MIER1: variants seen among roughly 807,000 people sequenced by gnomAD.
MIER1 encodes MIER1 transcriptional regulator, also known as mesoderm induction early response protein 1.
Under a neutral mutation model 75.7 loss-of-function variants are expected in MIER1, and 40 were observed. The observed-to-expected ratio is 0.53, with a 90% confidence interval of 0.41 to 0.69. The LOEUF (loss-of-function observed/expected upper bound fraction) is 0.69. MIER1 is among the 30% of genes least tolerant of loss of function. The probability of loss-of-function intolerance (pLI) is 0.00; values close to 1 mark genes in which losing one functional copy is unlikely to be tolerated. For synonymous variants in MIER1, 213 were observed against 223.4 expected (o/e 0.95, Z 0.42); for missense variants, 574 against 680.2 (o/e 0.84, Z 1.74).
chr1:66,977,112 T>C (rs1408178789), intron 12 of MIER1, among the ~76,000 whole-genome samples: 5 of 151,834 alleles, frequency 3.3e-5, no homozygotes, highest in Non-Finnish European at 1.5e-5. Context: ...GTTTTAATCT[T>C]CTTTTTTTTT....
intron 12 of MIER1, among the ~76,000 whole-genome samples, chr1:66,980,882 T>C (rs1665739510): frequency 6.6e-6 from 1 of 151,950 alleles, no homozygotes; most frequent in Non-Finnish European, 1.5e-5. Flanking sequence ...ATCACACTAC[T>C]CAGTTGTGCA....
chr1:66,976,008 G>A (rs1664646034), intron 11 of MIER1, among the ~76,000 whole-genome samples: 1 of 151,948 alleles, frequency 6.6e-6, no homozygotes, highest in Non-Finnish European at 1.5e-5. Context: ...GTGTGTGTGA[G>A]ACTGAGTCTC....
At chr1:66,983,928 A>G (rs753337814) in intron 13 of MIER1, among the ~76,000 whole-genome samples, 6 of 152,000 alleles carry the variant, frequency 3.9e-5, no homozygotes, top group East Asian at 1.9e-4. Flanking sequence ...TTTTCACCCT[A>G]TTGGCCAGGC....
At position 66,986,300 on chromosome 1, in the gene MIER1, T is replaced by C; in HGVS notation, c.*1400T>C. 1 of 1,484,080 alleles carries C rather than the reference T, an allele frequency of 6.7e-7. No homozygotes were observed. Among genetic ancestry groups the C allele is most frequent in the Non-Finnish European group, 8.9e-7 (1 of 1,124,176 alleles). The allele number at this position is 1,484,080 out of a possible 1,614,324, so 91.9% of individuals were successfully genotyped here. Reference sequence around the variant, plus strand: ...CCTTGTAAAAGTGCCATTTTATTTTTAGTGCTAAATTCTTGTTAAATAATG... The same window carrying C: ...CCTTGTAAAAGTGCCATTTTATTTTCAGTGCTAAATTCTTGTTAAATAATG... On this transcript the variant is annotated 3_prime_UTR_variant, in exon 14 of 14. Transcript: ENST00000401041.
chr1:66,937,149 C>T (rs72671702), intron 2 of MIER1, among the ~76,000 whole-genome samples: 11,306 of 152,118 alleles, frequency 0.074, 527 homozygotes, highest in African/African-American at 0.13. Flanking sequence ...GTCTAGACTT[C>T]AGGCCTGCCT....
chr1:66,981,615 C>G (rs1665900787), intron 12 of MIER1, among the ~76,000 whole-genome samples, 164 bp from the exon 13 acceptor site: 1 of 152,100 alleles, frequency 6.6e-6, no homozygotes, highest in Non-Finnish European at 1.5e-5. Context: ...CCAAAAGGAG[C>G]TTTTCATTTA....
At chr1:66,931,756 C>T (rs1253955114) in intron 2 of MIER1, among the ~76,000 whole-genome samples, 1 of 151,986 alleles carries the variant, frequency 6.6e-6, no homozygotes. Flanking sequence ...AGAATCGGTA[C>T]CTGGATTTTA....
intron 8 of MIER1, among the ~76,000 whole-genome samples, chr1:66,969,804 A>T (rs1663241199): frequency 6.6e-6 from 1 of 152,100 alleles, no homozygotes; most frequent in Admixed American, 6.5e-5. Context: ...CACCATCATA[A>T]CTAAACTTTT....
intron 4 of MIER1, chr1:66,946,669 A>G: frequency 1.0e-6 from 1 of 992,392 alleles, no homozygotes; most frequent in Non-Finnish European, 1.2e-6. Flanking sequence ...TTGAAGTATC[A>G]TTTTCCATTC....
At chr1:66,983,933 C>T (rs1234743388) in intron 13 of MIER1, among the ~76,000 whole-genome samples, 1 of 152,198 alleles carries the variant, frequency 6.6e-6, no homozygotes. Flanking sequence ...ACCCTATTGG[C>T]CAGGCTGGTC....
intron 2 of MIER1, chr1:66,930,156 G>A (rs996743485): frequency 4.6e-5 from 56 of 1,229,952 alleles, no homozygotes; most frequent in African/African-American, 8.0e-5. Flanking sequence ...CCCCTGCTCC[G>A]GCGCGTGCTC....
At chr1:66,942,381 GGT>G (rs1028896242) in intron 3 of MIER1, among the ~76,000 whole-genome samples, 1 of 152,160 alleles carries the variant, frequency 6.6e-6, no homozygotes, top group Non-Finnish European at 1.5e-5. Flanking sequence ...AGCCATTAGA[GGT>G]GGGGAATTAA....
chr1:66,959,007 T>C, intron 6 of MIER1, 24 bp downstream of exon 6: 1 of 1,598,256 alleles, frequency 6.3e-7, no homozygotes, highest in Admixed American at 1.7e-5. Context: ...GTTGATAATA[T>C]TTGAATATAA....
Position 66,985,780 on chromosome 1 carries a change from C to A in MIER1, c.*880C>A. The stretch of plus-strand genomic sequence containing the variant: ...GTAGTAATTAAGTCATATTTCTTAT[C>A]CAGGTGGTTAAAGCATTCATAAAGG... On this transcript the variant is annotated 3_prime_UTR_variant, in exon 14 of 14. Transcript: ENST00000401041. 2 of 920,702 alleles carry A rather than the reference C, an allele frequency of 2.2e-6. No individual in the cohort carries two copies. Among genetic ancestry groups the A allele is most frequent in the Non-Finnish European group, 2.6e-6 (2 of 774,988 alleles). 57.0% of individuals were successfully genotyped at this position (920,702 alleles called of 1,614,324 possible). A position where few individuals can be genotyped will look rare whatever the true frequency, so the allele number is the denominator to read the frequency against.
intron 3 of MIER1, among the ~76,000 whole-genome samples, chr1:66,944,861 G>A (rs1319739241): frequency 6.6e-6 from 1 of 151,920 alleles, no homozygotes; most frequent in Admixed American, 6.6e-5. Flanking sequence ...GAGTAGCTGG[G>A]ATGACAGGCA....
intron 3 of MIER1, among the ~76,000 whole-genome samples, chr1:66,945,298 TATATATATATATATATATAA>T (rs1179476598): frequency 4.7e-3 from 46 of 9,838 alleles, no homozygotes; most frequent in African/African-American, 0.018. Context: ...TATATATATA[TATATATATATATATATATAA>T]AATACCTAAT....
At position 66,976,660 on chromosome 1, in the gene MIER1, T is replaced by C. The variant is rs368640638; in HGVS notation, c.1167T>C (p.Tyr389=). The C allele has an allele frequency of 3.1e-6, 5 of 1,608,122 alleles. No individual in the cohort carries two copies. Among genetic ancestry groups the C allele is most frequent in the African/African-American group, 1.3e-5 (1 of 74,738 alleles). The part of the protein sequence containing the change: ...FYYMWKKSER[Y]DFFAQQTRFG... Reference sequence around the variant, plus strand: ...ACATGTGGAAAAAATCTGAACGTTATGATTTCTTTGCTCAGCAAACACGAT... The same window carrying C: ...ACATGTGGAAAAAATCTGAACGTTACGATTTCTTTGCTCAGCAAACACGAT... The change falls in exon 12 of 14, where the codon TAT becomes TAC. Residue 389 remains tyrosine, a synonymous_variant. Coordinates refer to ENST00000401041, the MANE Select transcript of MIER1 (RefSeq NM_001077700.3).
At position 66,935,787 on chromosome 1, in the gene MIER1, A is replaced by G. The variant is rs924484670; in HGVS notation, c.169-4241A>G. On this transcript the variant is annotated intron_variant, in intron 2 of 13. Coordinates refer to ENST00000401041, the MANE Select transcript of MIER1 (RefSeq NM_001077700.3). ...TCCAGCCCAGTTTACGCCCTGTTCT[A>G]CAGTTTTCTTTATACTCCTAATTTT... Among the ~76,000 whole-genome samples the G allele has an allele frequency of 2.0e-5, 3 of 152,128 alleles. No individual in the cohort carries two copies. In the East Asian group the frequency reaches 5.8e-4, roughly 29 times the overall value.
At chr1:66,966,839 T>A (rs1321120159) in intron 8 of MIER1, among the ~76,000 whole-genome samples, 1 of 152,232 alleles carries the variant, frequency 6.6e-6, no homozygotes, top group African/African-American at 2.4e-5. Context: ...TCAGATCTTT[T>A]GCCCATTTTT....
Sources: allele counts gnomAD v4.1 joint callset (sites outside exome capture counted in the v4.1 genomes callset), GRCh38; gene constraint gnomAD v4.1.1; transcripts MANE v1.5; gene names NCBI Gene and HGNC (gene_info 2026-07-23, HGNC 2026-07-21).